Variants in SCCPDH observed in about 807,000 individuals in gnomAD.
SCCPDH encodes the protein saccharopine dehydrogenase (putative), also known as saccharopine dehydrogenase-like oxidoreductase.
A neutral mutation model predicts 51.5 loss-of-function variants in SCCPDH; 34 were observed. That is an observed-to-expected ratio of 0.66 (90% confidence interval 0.50 to 0.88). SCCPDH has a LOEUF of 0.88. Among genes scored for constraint, SCCPDH ranks in the 40% least tolerant of loss-of-function variants. The pLI is 0.00. For synonymous variants in SCCPDH, 187 were observed against 191.3 expected, an observed-to-expected ratio of 0.98 and a Z score of 0.19; for missense variants, 464 against 527.1, an observed-to-expected ratio of 0.88 and a Z score of 1.17.
At chr1:246,752,572 G>A (rs1011731121) in intron 5 of SCCPDH, among the ~76,000 whole-genome samples, 11 of 152,146 alleles carry the variant, frequency 7.2e-5, no homozygotes, top group African/African-American at 2.2e-4. Context: ...ACTTTTAAAG[G>A]AATAGGGTAT....
At chr1:246,746,107 CAAAAAAAAAAAAAAAAAA>C (rs756929255) in intron 5 of SCCPDH, among the ~76,000 whole-genome samples, 2 of 79,586 alleles carry the variant, frequency 2.5e-5, no homozygotes, top group African/African-American at 1.4e-4. Flanking sequence ...GACTCCATCT[CAAAAAAAAAAAAAAAAAA>C]AAAAAAAGAA....
chr1:246,766,181 A>G (rs12144408), intron 11 of SCCPDH, 42 bp downstream of exon 11: 537,584 of 1,326,944 alleles, frequency 0.41, 114,599 homozygotes, highest in South Asian at 0.47. Context: ...TTTTTTATCT[A>G]TGTTATATTT....
chr1:246,731,319 A>G (rs1668486460), intron 2 of SCCPDH, among the ~76,000 whole-genome samples: 1 of 152,250 alleles, frequency 6.6e-6, no homozygotes, highest in Admixed American at 6.5e-5. Flanking sequence ...AGTAAAAGTA[A>G]GGAATGGGCA....
chr1:246,767,154 A>G, intron 11 of SCCPDH, 41 bp from the exon 12 acceptor site: 1 of 1,399,486 alleles, frequency 7.1e-7, no homozygotes, highest in Non-Finnish European at 9.9e-7. Context: ...GAGACTGGAG[A>G]GGAGCTGAGT....
intron 2 of SCCPDH, among the ~76,000 whole-genome samples, chr1:246,731,859 C>T (rs887226774): frequency 9.2e-5 from 14 of 151,762 alleles, no homozygotes; most frequent in Non-Finnish European, 1.3e-4. Context: ...GCTATCCCTA[C>T]CCCTGCCCCC....
At chr1:246,750,408 G>A (rs968996824) in intron 5 of SCCPDH, among the ~76,000 whole-genome samples, 9 of 152,174 alleles carry the variant, frequency 5.9e-5, no homozygotes, top group African/African-American at 2.2e-4. Flanking sequence ...GGGGATAAGC[G>A]AACATCTTTC....
chr1:246,727,357 T>A (rs1262499746), intron 2 of SCCPDH, among the ~76,000 whole-genome samples: 1 of 152,224 alleles, frequency 6.6e-6, no homozygotes, highest in Non-Finnish European at 1.5e-5. Context: ...CTTGTACTAC[T>A]GGGTAAATAT....
Position 246,739,271 on chromosome 1 carries a change from G to A in SCCPDH, c.385-901G>A, listed in dbSNP as rs77063661. Among the ~76,000 whole-genome samples the A allele has an allele frequency of 5.8e-3, 886 of 152,270 alleles. 12 individuals carry two copies. Among genetic ancestry groups the A allele is most frequent in the African/African-American group, 0.02 (815 of 41,546 alleles). ...AATCATGTTGACAGTGCGTAGCCCC[G>A]ATGTGATATGATATGATAAGAATAG... is the stretch of plus-strand genomic sequence containing the variant. On this transcript the variant is annotated intron_variant, in intron 3 of 11. Coordinates refer to ENST00000366510, the MANE Select transcript of SCCPDH (RefSeq NM_016002.3).
chr1:246,731,153 G>A (rs542752450), intron 2 of SCCPDH, among the ~76,000 whole-genome samples: 261 of 152,288 alleles, frequency 1.7e-3, no homozygotes, highest in Non-Finnish European at 3.0e-3. Flanking sequence ...GTGTCTCCCC[G>A]AGATGAAGGA....
At chr1:246,725,742 C>G (rs898512377) in intron 1 of SCCPDH, among the ~76,000 whole-genome samples, 1 of 152,126 alleles carries the variant, frequency 6.6e-6, no homozygotes, top group Non-Finnish European at 1.5e-5. Context: ...GCTTCCATTT[C>G]TTTTTTCGGC....
At chr1:246,729,254 G>A (rs1328696547) in intron 2 of SCCPDH, among the ~76,000 whole-genome samples, 1 of 152,188 alleles carries the variant, frequency 6.6e-6, no homozygotes. Context: ...AGGAAACAGG[G>A]TACGAGAGCA....
chr1:246,764,305 T>C lies in SCCPDH; in HGVS notation c.1050T>C (p.Gly350=). The change falls in exon 10 of 12, where the codon GGT becomes GGC. Residue 350 remains glycine, a synonymous_variant. Coordinates refer to ENST00000366510, the MANE Select transcript of SCCPDH (RefSeq NM_016002.3). ...FFGQGYSQGT[G]TDKNKPNIKI... The stretch of plus-strand genomic sequence containing the variant: ...GTCAAGGATACAGCCAAGGCACTGG[T>C]ACAGATAAGAACAAACCAAATATCA... The C allele has an allele frequency of 6.2e-7, 1 of 1,613,992 alleles. No individual in the cohort carries two copies. The highest frequency in any genetic ancestry group is 2.2e-5 in the East Asian group (1 of 44,880).
chr1:246,731,038 C>T (rs1668483470), intron 2 of SCCPDH, among the ~76,000 whole-genome samples: 1 of 152,092 alleles, frequency 6.6e-6, no homozygotes, highest in African/African-American at 2.4e-5. Flanking sequence ...CAAGCCTGGG[C>T]AGCAAGAATG....
intron 3 of SCCPDH, among the ~76,000 whole-genome samples, chr1:246,739,081 G>A (rs1668640962): frequency 1.3e-5 from 2 of 152,092 alleles, no homozygotes; most frequent in Non-Finnish European, 2.9e-5. Flanking sequence ...GTTTGTGTAT[G>A]TGCATGAATG....
chr1:246,765,987 T>G (rs1669082097), intron 10 of SCCPDH, 71 bp from the exon 11 acceptor site: 3 of 1,001,710 alleles, frequency 3.0e-6, no homozygotes, highest in Middle Eastern at 2.1e-4. Flanking sequence ...AATCTACCAT[T>G]TGATTTTTGA....
At chr1:246,746,272 G>A (rs960716349) in intron 5 of SCCPDH, among the ~76,000 whole-genome samples, 1 of 152,112 alleles carries the variant, frequency 6.6e-6, no homozygotes, top group African/African-American at 2.4e-5. Context: ...GATTGATTGA[G>A]CAAGCAGGGG....
intron 5 of SCCPDH, among the ~76,000 whole-genome samples, chr1:246,753,852 G>A (rs1668891654): frequency 6.6e-6 from 1 of 152,128 alleles, no homozygotes; most frequent in South Asian, 2.1e-4. Context: ...GTTCCCAGGA[G>A]GCAGGGTTAT....
At chr1:246,751,939 ATT>A (rs35274783) in intron 5 of SCCPDH, among the ~76,000 whole-genome samples, 58 of 145,108 alleles carry the variant, frequency 4.0e-4, no homozygotes, top group Middle Eastern at 3.5e-3. Flanking sequence ...CGCCCGGCTA[ATT>A]TTTTTTTTTT....
intron 2 of SCCPDH, among the ~76,000 whole-genome samples, chr1:246,731,697 A>G (rs141809081): frequency 6.6e-6 from 1 of 151,902 alleles, no homozygotes; most frequent in Non-Finnish European, 1.5e-5. Context: ...ACTTTGTACT[A>G]TATACTGTAG....
Sources: allele counts gnomAD v4.1 joint callset (sites outside exome capture counted in the v4.1 genomes callset), GRCh38; gene constraint gnomAD v4.1.1; transcripts MANE v1.5; gene names NCBI Gene and HGNC (gene_info 2026-07-23, HGNC 2026-07-21).